Variants in CNBD2 observed in about 807,000 individuals in gnomAD.
CNBD2 encodes cyclic nucleotide binding domain containing 2.
A neutral mutation model predicts 63.7 loss-of-function variants in CNBD2; 64 were observed. The ratio of observed to expected loss-of-function variants is 1.00; its 90% CI spans 0.82 to 1.24. CNBD2 has a LOEUF of 1.24. CNBD2 is among the 50% of genes most tolerant of loss of function. The probability of loss-of-function intolerance (pLI) is 0.00; values close to 1 mark genes in which losing one functional copy is unlikely to be tolerated. For missense variants in CNBD2, 691 were observed against 713.5 expected, an observed-to-expected ratio of 0.97 and a Z score of 0.36; for synonymous variants, 229 against 255.4, an observed-to-expected ratio of 0.90 and a Z score of 0.99.
At chr20:36,024,306 GC>G (rs570984321) in intron 11 of CNBD2, among the ~76,000 whole-genome samples, 2 of 152,156 alleles carry the variant, frequency 1.3e-5, no homozygotes, top group Non-Finnish European at 2.9e-5. Context: ...CTGCACTCCA[GC>G]CTGGGTAACA....
intron 1 of CNBD2, among the ~76,000 whole-genome samples, chr20:35,972,241 G>C (rs1344599887): frequency 6.6e-6 from 1 of 152,052 alleles, no homozygotes; most frequent in Non-Finnish European, 1.5e-5. Context: ...TATTCCCTCA[G>C]ATCTATCTGA....
intron 3 of CNBD2, among the ~76,000 whole-genome samples, chr20:35,978,320 A>AGT (rs1491464388): frequency 6.6e-6 from 1 of 150,850 alleles, no homozygotes; most frequent in Non-Finnish European, 1.5e-5. Flanking sequence ...TAGGACTGCA[A>AGT]GTGTGTGCCA....
At position 36,008,750 on chromosome 20, in the gene CNBD2, A is replaced by G. The variant is rs574519611; in HGVS notation, c.1148+276A>G. 3.9e-5 allele frequency among the ~76,000 whole-genome samples: 6 copies of G among 152,264 alleles called. No homozygotes were observed. In the East Asian group the frequency reaches 1.2e-3, roughly 29 times the overall value. On this transcript the variant is annotated intron_variant, in intron 9 of 11. Transcript: ENST00000373973. ...ATTTAAGGAAGAAGGGGCTGGACAT[A>G]TCTTCTGGCTCTGACATTCTGTCAG...
rs542010404 is a variant in CNBD2, at chr20:36,007,490, T to C, written c.971-807T>C. Among the ~76,000 whole-genome samples, 22 of 152,266 alleles carry C rather than the reference T, an allele frequency of 1.4e-4. No homozygotes were observed. The South Asian group carries it at 4.1e-3, about 29-fold the overall frequency. Reference sequence around the variant, plus strand: ...AATAACTCTCATGGAGGGCCTATTATATGTCGGTGCTGTGCTAGGCATATC... The same window carrying C: ...AATAACTCTCATGGAGGGCCTATTACATGTCGGTGCTGTGCTAGGCATATC... On this transcript the variant is annotated intron_variant, in intron 8 of 11. Coordinates refer to ENST00000373973, the MANE Select transcript of CNBD2 (RefSeq NM_001365709.1).
chr20:35,996,482 A>G (rs1040765780), intron 8 of CNBD2, among the ~76,000 whole-genome samples: 12 of 151,034 alleles, frequency 7.9e-5, no homozygotes, highest in African/African-American at 2.9e-4. Context: ...TACATATTGC[A>G]TAATTCTCAT....
chr20:35,995,342 C>G (rs2056811109), intron 8 of CNBD2, among the ~76,000 whole-genome samples, 190 bp downstream of exon 8: 1 of 151,934 alleles, frequency 6.6e-6, no homozygotes, highest in Admixed American at 6.6e-5. Context: ...TTTTATTGAG[C>G]CTTTTCCCTT....
chr20:35,997,298 T>G (rs2056838458), intron 8 of CNBD2, among the ~76,000 whole-genome samples: 1 of 152,184 alleles, frequency 6.6e-6, no homozygotes, highest in Non-Finnish European at 1.5e-5. Context: ...CCCCAAGGAT[T>G]GCCTTATAGA....
At chr20:35,984,881 C>T in intron 6 of CNBD2, 103 bp downstream of exon 6, 7 of 1,239,106 alleles carry the variant, frequency 5.6e-6, no homozygotes, top group Non-Finnish European at 8.2e-6. Context: ...TTGCTGTTCT[C>T]TCTGTCTGGG....
At chr20:35,992,976 C>T (rs534812303) in intron 7 of CNBD2, among the ~76,000 whole-genome samples, 17 of 152,142 alleles carry the variant, frequency 1.1e-4, no homozygotes, top group African/African-American at 4.1e-4. Flanking sequence ...GAGAAGATTT[C>T]CTGATGGCAT....
chr20:35,973,954 A>C (rs562325872), intron 2 of CNBD2: 2 of 150,574 alleles, frequency 1.3e-5, no homozygotes, highest in Admixed American at 6.7e-5. Context: ...GCCAGTCCCC[A>C]CTCCTCTGCA....
intron 10 of CNBD2, among the ~76,000 whole-genome samples, chr20:36,021,798 G>A (rs571296513): frequency 2.1e-4 from 32 of 152,090 alleles, no homozygotes; most frequent in African/African-American, 7.7e-4. Context: ...CCTTCATCAC[G>A]GAAGCAAGTA....
chr20:35,997,734 C>T (rs1247231721), intron 8 of CNBD2, among the ~76,000 whole-genome samples: 3 of 151,228 alleles, frequency 2.0e-5, no homozygotes, highest in South Asian at 2.1e-4. Flanking sequence ...GTTATCATTA[C>T]CACAACAGGC....
At chr20:36,015,459 A>G (rs1222172834) in intron 10 of CNBD2, among the ~76,000 whole-genome samples, 1 of 152,184 alleles carries the variant, frequency 6.6e-6, no homozygotes, top group African/African-American at 2.4e-5. Flanking sequence ...AATGTCAAGA[A>G]ACCAGATCAT....
chr20:36,014,148 A>G (rs1161400984), intron 10 of CNBD2, among the ~76,000 whole-genome samples: 3 of 137,482 alleles, frequency 2.2e-5, no homozygotes, highest in Non-Finnish European at 4.6e-5. Context: ...GTGCCACTGC[A>G]CTCCAGCCTA....
In CNBD2 at chr20:35,987,051, T is replaced by A. The variant is rs143290543; in HGVS notation, c.717-344T>A. ...TGAGCTGGAGTGGGGACTAGCTTCATGAGCCACGGTGGGGAGGGATGGCAG... is the reference window on the plus strand; with the variant it reads ...TGAGCTGGAGTGGGGACTAGCTTCAAGAGCCACGGTGGGGAGGGATGGCAG... On this transcript the variant is annotated intron_variant, in intron 6 of 11. Transcript: ENST00000373973. Among the ~76,000 whole-genome samples, 846 of 151,946 alleles carry A rather than the reference T, an allele frequency of 5.6e-3. 6 individuals are homozygous for A. The highest frequency in any genetic ancestry group is 0.019 in the African/African-American group (775 of 41,472).
intron 10 of CNBD2, among the ~76,000 whole-genome samples, chr20:36,015,905 G>A (rs868314498): frequency 6.6e-6 from 1 of 152,214 alleles, no homozygotes; most frequent in African/African-American, 2.4e-5. Context: ...TGTGGGCCAT[G>A]CATAGGACTT....
At position 35,987,407 on chromosome 20, in the gene CNBD2, G is replaced by C. The variant is rs1183790553; in HGVS notation, c.729G>C (p.Leu243=). 1 of 1,614,060 alleles carries C rather than the reference G, an allele frequency of 6.2e-7. No homozygotes were observed. Among genetic ancestry groups the C allele is most frequent in the Non-Finnish European group, 8.5e-7 (1 of 1,180,038 alleles). The part of the protein sequence containing the change: ...YRFEFFRKME[L]FASWSDEKLW... ...GCTCTTCCCACAGGAAGATGGAGCTGTTTGCATCATGGTCTGATGAGAAGC... is the reference window on the plus strand; with the variant it reads ...GCTCTTCCCACAGGAAGATGGAGCTCTTTGCATCATGGTCTGATGAGAAGC... Residue 243 remains leucine (L), a synonymous_variant, in exon 7 of 12, where the codon CTG becomes CTC. Transcript: ENST00000373973.
At chr20:36,018,785 G>T (rs915109297) in intron 10 of CNBD2, among the ~76,000 whole-genome samples, 5 of 152,192 alleles carry the variant, frequency 3.3e-5, no homozygotes, top group Non-Finnish European at 7.3e-5. Flanking sequence ...CATGGGCAGC[G>T]CAGAAGAGAG....
Position 36,030,590 on chromosome 20 carries a change from T to C in CNBD2, c.1673T>C (p.Leu558Ser). The C allele has an allele frequency of 6.2e-7, 1 of 1,613,872 alleles. No individual in the cohort carries two copies. Reference sequence around the variant, plus strand: ...GCACCCCAGAAATACCTCCCCCCATTGAGGATTGTCCAAGCCATCAAAGCA... The same window carrying C: ...GCACCCCAGAAATACCTCCCCCCATCGAGGATTGTCCAAGCCATCAAAGCA... ...FMAPQKYLPP[L>S]RIVQAIKAPR... Residue 558 changes from leucine to serine, a missense_variant, in exon 12 of 12, where the codon TTG becomes TCG. By Grantham distance (145) the Leu-to-Ser change is moderately radical. Coordinates refer to ENST00000373973, the MANE Select transcript of CNBD2 (RefSeq NM_001365709.1).
Sources: gnomAD v4.1 joint callset for allele counts (sites outside exome capture counted in the v4.1 genomes callset) on GRCh38, gnomAD v4.1.1 for gene constraint, MANE v1.5 for transcripts, NCBI Gene and HGNC (gene_info 2026-07-23, HGNC 2026-07-21) for gene names.